Variants in DNAAF4 observed in about 807,000 individuals in gnomAD.
DNAAF4 encodes the protein dynein assembly factor 4, axonemal.
DNAAF4 carries 43 observed loss-of-function variants against 51.8 expected under a neutral mutation model. The observed-to-expected ratio is 0.83, with a 90% CI of 0.65 to 1.07. DNAAF4 has a LOEUF of 1.07. Ranked by LOEUF, DNAAF4 falls within the 50% of genes least tolerant of loss-of-function variation. DNAAF4 has a pLI of 0.00. For synonymous variants in DNAAF4, 194 were observed against 165.6 expected (o/e 1.17, Z -1.32); for missense variants, 581 against 493.0 (o/e 1.18, Z -1.69).
At chr15:55,433,910 AT>A (rs1567000429) in intron 8 of DNAAF4, among the ~76,000 whole-genome samples, 9 of 5,002 alleles carry the variant, frequency 1.8e-3, no homozygotes, top group African/African-American at 4.3e-3. Context: ...TATATTATAT[AT>A]AATTATATAT....
At chr15:55,453,943 TTTA>T (rs2057977695) in intron 5 of DNAAF4, among the ~76,000 whole-genome samples, 1 of 151,980 alleles carries the variant, frequency 6.6e-6, no homozygotes, top group South Asian at 2.1e-4. Context: ...TTGAAGAAAA[TTTA>T]TAAACTAGAA....
chr15:55,435,020 T>C lies in DNAAF4; in HGVS notation c.932A>G (p.Asn311Ser), dbSNP rs568008620. The part of the protein sequence containing the change: ...FATENYLAAI[N>S]AYNLAIRLNN... ...TAGTCTTATGGCTAAATTATATGCA[T>C]TGATAGCTGCCAAATAGTTTTCCGT... Residue 311 changes from asparagine (N) to serine (S), a missense_variant, in exon 8 of 10, where the codon AAT becomes AGT. By Grantham distance (46) the Asn-to-Ser change is conservative. Transcript: ENST00000321149. The C allele has an allele frequency of 3.1e-6, 5 of 1,609,600 alleles. No homozygotes were observed. Among genetic ancestry groups the C allele is most frequent in the Middle Eastern group, 3.4e-4 (2 of 5,962 alleles).
chr15:55,445,888 C>A (rs1256409162), intron 6 of DNAAF4, among the ~76,000 whole-genome samples: 2 of 136,246 alleles, frequency 1.5e-5, no homozygotes, highest in Admixed American at 7.4e-5. Context: ...CCAGATGCGG[C>A]AGCCAGGCAG....
rs1409617048 is a variant in DNAAF4 at position 55,466,943 on chromosome 15, A to G, written c.624T>C (p.Asn208=). The change falls in exon 5 of 10, where the codon AAT becomes AAC. Residue 208 remains asparagine, a synonymous_variant. Coordinates refer to ENST00000321149, the MANE Select transcript of DNAAF4 (RefSeq NM_130810.4). ...TAATCATTTTACCTTTTGGAGCAAG[A>G]TTTCTAGATGCCAAATTTCTAGTAA... The part of the protein sequence containing the change: ...KSLTRNLASR[N]LAPKGRNSEN... 4 of 1,584,122 alleles carry G rather than the reference A, an allele frequency of 2.5e-6. No individual in the cohort carries two copies. The African/African-American group carries it at 5.5e-5, about 22-fold the overall frequency.
At chr15:55,469,899 A>T (rs2058228104) in intron 4 of DNAAF4, among the ~76,000 whole-genome samples, 1 of 152,048 alleles carries the variant, frequency 6.6e-6, no homozygotes, top group African/African-American at 2.4e-5. Flanking sequence ...ATTCCATAAG[A>T]CAGTCTCCAC....
chr15:55,445,033 T>C (rs1189691909), intron 6 of DNAAF4, among the ~76,000 whole-genome samples: 2,218 of 45,876 alleles, frequency 0.048, 23 homozygotes, highest in Non-Finnish European at 0.086. Flanking sequence ...TTGAATACCC[T>C]TTTTTTTTTT....
intron 1 of DNAAF4, among the ~76,000 whole-genome samples, chr15:55,503,392 C>T (rs1048918879): frequency 2.4e-4 from 37 of 152,218 alleles, no homozygotes; most frequent in Non-Finnish European, 4.6e-4. Flanking sequence ...TCCAATCAAT[C>T]GGAAAAGAGG....
In DNAAF4 at chr15:55,498,592, A is replaced by AG. The variant is rs1249392262; in HGVS notation, c.-255-9dup. ...GAAGTAGACCCATACCCTCTGCTTG[A>AG]GAAAAAAAAAAAAAAAAAAAAGCAC... On this transcript the variant is annotated splice_polypyrimidine_tract_variant and intron_variant, in intron 1 of 9. Coordinates refer to ENST00000321149, the MANE Select transcript of DNAAF4 (RefSeq NM_130810.4). 3.0e-4 allele frequency: 41 copies of AG among 138,830 alleles called. 1 individual carries two copies. Among genetic ancestry groups the AG allele is most frequent in the Middle Eastern group, 2.4e-3 (1 of 418 alleles). The allele number at this position is 138,830 out of a possible 1,614,324, so 8.6% of individuals were successfully genotyped here.
chr15:55,450,393 G>C, intron 5 of DNAAF4, 26 bp from the exon 6 acceptor site: 2 of 1,600,466 alleles, frequency 1.2e-6, no homozygotes, highest in Non-Finnish European at 1.7e-6. Flanking sequence ...TAGCAAACAA[G>C]TCACTTATTT....
At chr15:55,437,509 C>G (rs549225505) in intron 7 of DNAAF4, among the ~76,000 whole-genome samples, 1 of 151,720 alleles carries the variant, frequency 6.6e-6, no homozygotes, top group African/African-American at 2.4e-5. Flanking sequence ...TGCCCCCCGC[C>G]CCCCAAAAAA....
At position 55,443,163 on chromosome 15, in the gene DNAAF4, A is replaced by G. The variant is rs947364902; in HGVS notation, c.784-3582T>C. Reference sequence around the variant, plus strand: ...AGGAGCCGTCTTCACATTTCTTCATAAACTGGTCAAAGAGCAGTCTTAGGT... The same window carrying G: ...AGGAGCCGTCTTCACATTTCTTCATGAACTGGTCAAAGAGCAGTCTTAGGT... On this transcript the variant is annotated intron_variant, in intron 6 of 9. Coordinates refer to ENST00000321149, the MANE Select transcript of DNAAF4 (RefSeq NM_130810.4). 10 of 1,610,464 alleles carry G rather than the reference A, an allele frequency of 6.2e-6. No individual in the cohort carries two copies. The African/African-American group carries it at 1.1e-4, about 17-fold the overall frequency.
chr15:55,466,889 C>T lies in DNAAF4; in HGVS notation c.637+41G>A, dbSNP rs770209005. On this transcript the variant is annotated intron_variant, in intron 5 of 9. Transcript: ENST00000321149. ...AAAGAAAAGCGTCATATATACTTCA[C>T]CAACAGGACTCACTACTCAAGAAAT... 1.2e-5 allele frequency: 19 copies of T among 1,573,740 alleles called. No homozygotes were observed. In the African/African-American group the frequency reaches 2.6e-4, roughly 22 times the overall value.
chr15:55,434,834 A>G, intron 8 of DNAAF4, 71 bp downstream of exon 8: 1 of 1,220,880 alleles, frequency 8.2e-7, no homozygotes, highest in Non-Finnish European at 1.1e-6. Context: ...GAACAGAAAA[A>G]GATCATCATT....
At position 55,430,364 on chromosome 15, in the gene DNAAF4, G is replaced by A. The variant is rs2057474389; in HGVS notation, c.*306C>T. The A allele has an allele frequency of 9.1e-6, 9 of 986,966 alleles. No individual in the cohort carries two copies. The highest frequency in any genetic ancestry group is 1.1e-5 in the Non-Finnish European group (9 of 829,434). The allele number at this position is 986,966 out of a possible 1,614,324, so 61.1% of individuals were successfully genotyped here. A position where few individuals can be genotyped will look rare whatever the true frequency, so the allele number is the denominator to read the frequency against. On this transcript the variant is annotated 3_prime_UTR_variant, in exon 10 of 10. Coordinates refer to ENST00000321149, the MANE Select transcript of DNAAF4 (RefSeq NM_130810.4). Reference sequence around the variant, plus strand: ...CCTTGTTAAAAATTAATCAGTAAGTGTCCTGGTAACTATACCAAAACATAT... The same window carrying A: ...CCTTGTTAAAAATTAATCAGTAAGTATCCTGGTAACTATACCAAAACATAT...
intron 8 of DNAAF4, among the ~76,000 whole-genome samples, chr15:55,433,667 T>C (rs1015295897): frequency 2.1e-5 from 3 of 141,318 alleles, no homozygotes; most frequent in South Asian, 2.2e-4. Context: ...CTCACCTAAA[T>C]TTTTAGCTTA....
rs145704074 is a variant in DNAAF4, at chr15:55,465,423, G to C, written c.637+1507C>G. ...ACACACACACACACACACACACACAGACACACATACAATCATGGAATGCTA... is the reference window on the plus strand; with the variant it reads ...ACACACACACACACACACACACACACACACACATACAATCATGGAATGCTA... On this transcript the variant is annotated intron_variant, in intron 5 of 9. Transcript: ENST00000321149. Among the ~76,000 whole-genome samples, 65 of 96,798 alleles carry C rather than the reference G, an allele frequency of 6.7e-4. 1 individual carries two copies. Among genetic ancestry groups the C allele is most frequent in the African/African-American group, 1.9e-3 (44 of 23,090 alleles). 63.5% of individuals were successfully genotyped at this position (96,798 alleles called of 152,430 possible).
intron 4 of DNAAF4, among the ~76,000 whole-genome samples, chr15:55,484,349 G>A (rs951206436): frequency 5.3e-5 from 8 of 152,102 alleles, no homozygotes; most frequent in Non-Finnish European, 1.2e-4. Context: ...GCCAGGCGTG[G>A]TGGTGAGCAC....
chr15:55,435,066 G>T lies in DNAAF4; in HGVS notation c.894-8C>A. The T allele has an allele frequency of 6.4e-7, 1 of 1,569,646 alleles. No homozygotes were observed. The highest frequency in any genetic ancestry group is 8.6e-7 in the Non-Finnish European group (1 of 1,163,920). Reference sequence around the variant, plus strand: ...TCCGTTGCAAACAATTTGCTAATGAGACAAAAACAGAGAAGAAAAACAATT... The same window carrying T: ...TCCGTTGCAAACAATTTGCTAATGATACAAAAACAGAGAAGAAAAACAATT... On this transcript the variant is annotated splice_polypyrimidine_tract_variant and splice_region_variant and intron_variant, in intron 7 of 9. Transcript: ENST00000321149.
chr15:55,433,882 T>A (rs1372820326), intron 8 of DNAAF4, among the ~76,000 whole-genome samples: 691 of 33,862 alleles, frequency 0.02, 125 homozygotes, highest in Middle Eastern at 0.029. Context: ...ATATTACATA[T>A]ATTATATATA....
Sources: allele counts gnomAD v4.1 joint callset (sites outside exome capture counted in the v4.1 genomes callset), GRCh38; gene constraint gnomAD v4.1.1; transcripts MANE v1.5; gene names NCBI Gene and HGNC (gene_info 2026-07-23, HGNC 2026-07-21).